The following VNN1 variants were observed in gnomAD, a reference collection of about 807,000 sequenced individuals.
The protein encoded by VNN1 is vanin 1.
Under a neutral mutation model 41.9 loss-of-function variants are expected in VNN1, and 29 were observed. The observed-to-expected ratio is 0.69, with a 90% CI of 0.52 to 0.94. The LOEUF is 0.94. Among genes scored for constraint, VNN1 ranks in the 40% least tolerant of loss-of-function variants. VNN1 has a pLI of 0.00. For synonymous variants in VNN1, 233 were observed against 224.4 expected, an observed-to-expected ratio of 1.04 and a Z score of -0.34; for missense variants, 637 against 621.1, an observed-to-expected ratio of 1.03 and a Z score of -0.27.
At chr6:132,701,258 T>C (rs761224657) in intron 2 of VNN1, among the ~76,000 whole-genome samples, 2 of 152,184 alleles carry the variant, frequency 1.3e-5, no homozygotes, top group Non-Finnish European at 2.9e-5. Context: ...AAAACCAACA[T>C]TTGACTAATG....
chr6:132,707,247 C>G (rs976210521), intron 2 of VNN1, among the ~76,000 whole-genome samples: 3 of 139,462 alleles, frequency 2.2e-5, no homozygotes. Context: ...AAAAGCAAAT[C>G]AAAAGTACAA....
Position 132,713,990 on chromosome 6 carries a change from C to T in VNN1, c.46G>A (p.Val16Ile). Residue 16 changes from valine to isoleucine, a missense_variant, in exon 1 of 7, where the codon GTC becomes ATC. Physicochemically the swap from Val to Ile is conservative, Grantham distance 29. Transcript: ENST00000367928. ...GTGTCCTGGCAGCTGGCTCTTGAGA[C>T]ATAGAAAAGCAAAATTGCCACGTAA... is the stretch of plus-strand genomic sequence containing the variant. Reference protein sequence around the residue: ...PAYVAILLFYVSRASCQDTFT... With the variant: ...PAYVAILLFYISRASCQDTFT... 1 of 1,614,064 alleles carries T rather than the reference C, an allele frequency of 6.2e-7. No homozygotes were observed. Among genetic ancestry groups the T allele is most frequent in the Non-Finnish European group, 8.5e-7 (1 of 1,179,992 alleles).
At chr6:132,707,482 T>C (rs1041375603) in intron 2 of VNN1, among the ~76,000 whole-genome samples, 9 of 152,202 alleles carry the variant, frequency 5.9e-5, no homozygotes, top group African/African-American at 9.6e-5. Context: ...ATAGAAAAGA[T>C]ATCTGCACTT....
At chr6:132,692,079 A>G in intron 5 of VNN1, 144 bp downstream of exon 5, 1 of 965,656 alleles carries the variant, frequency 1.0e-6, no homozygotes, top group Non-Finnish European at 1.4e-6. Context: ...TGAATTTCAA[A>G]TAAACAACAA....
At chr6:132,698,618 A>G (rs45465097) in intron 2 of VNN1, among the ~76,000 whole-genome samples, 2,925 of 152,264 alleles carry the variant, frequency 0.019, 94 homozygotes, top group African/African-American at 0.067. Context: ...TGATGAGAGC[A>G]ATATGATCTT....
intron 4 of VNN1, 28 bp downstream of exon 4, chr6:132,692,996 C>A (rs1778314336): frequency 1.3e-6 from 2 of 1,559,750 alleles, no homozygotes; most frequent in South Asian, 1.2e-5. Flanking sequence ...ATTACATCAG[C>A]CTGCATATCT....
intron 2 of VNN1, among the ~76,000 whole-genome samples, chr6:132,703,015 A>G (rs1778469728): frequency 6.6e-6 from 1 of 152,192 alleles, no homozygotes; most frequent in South Asian, 2.1e-4. Context: ...TGTCTTACAA[A>G]TTGGGTACCA....
intron 2 of VNN1, among the ~76,000 whole-genome samples, chr6:132,709,480 G>A (rs573460398): frequency 3.3e-5 from 5 of 152,214 alleles, no homozygotes; most frequent in Admixed American, 3.3e-4. Flanking sequence ...AGACCAGCCT[G>A]GCCAACATGG....
chr6:132,687,681 C>A (rs954496671), intron 5 of VNN1, among the ~76,000 whole-genome samples: 1 of 152,124 alleles, frequency 6.6e-6, no homozygotes, highest in Non-Finnish European at 1.5e-5. Flanking sequence ...CTCAATATGA[C>A]AACTGTGCAG....
chr6:132,702,785 G>T (rs1404775796), intron 2 of VNN1, among the ~76,000 whole-genome samples: 1 of 152,156 alleles, frequency 6.6e-6, no homozygotes, highest in Non-Finnish European at 1.5e-5. Context: ...GGAACTTCTT[G>T]CCTTAAATGG....
rs187823491 is a variant in VNN1, at chr6:132,703,856, G to C, written c.341+7853C>G. Among the ~76,000 whole-genome samples the C allele has an allele frequency of 1.2e-4, 19 of 152,176 alleles. No individual in the cohort carries two copies. The East Asian group carries it at 3.5e-3, about 28-fold the overall frequency. On this transcript the variant is annotated intron_variant, in intron 2 of 6. Coordinates refer to ENST00000367928, the MANE Select transcript of VNN1 (RefSeq NM_004666.3). The stretch of plus-strand genomic sequence containing the variant: ...AAGACACACACAGACAGAAAATAAA[G>C]GGATAGCAAAGATTTCCATGCAAAT...
intron 2 of VNN1, among the ~76,000 whole-genome samples, chr6:132,696,565 C>A (rs1459654113): frequency 6.6e-6 from 1 of 152,028 alleles, no homozygotes. Flanking sequence ...AGCAGCAAGA[C>A]AGAAGTGACT....
intron 2 of VNN1, among the ~76,000 whole-genome samples, chr6:132,705,062 C>T (rs962278262): frequency 1.3e-5 from 2 of 151,954 alleles, no homozygotes; most frequent in Non-Finnish European, 2.9e-5. Flanking sequence ...AAAAAAAAGC[C>T]CAGGACTTAA....
chr6:132,690,475 G>C (rs985751028), intron 5 of VNN1, among the ~76,000 whole-genome samples: 1 of 152,114 alleles, frequency 6.6e-6, no homozygotes, highest in Non-Finnish European at 1.5e-5. Context: ...CTGGATAATA[G>C]CATCAGCTCC....
chr6:132,711,964 T>C (rs1778607136), intron 1 of VNN1, 125 bp from the exon 2 acceptor site: 1 of 926,912 alleles, frequency 1.1e-6, no homozygotes, highest in Non-Finnish European at 1.5e-6. Context: ...TCTATATTTT[T>C]ATAATTTATT....
intron 2 of VNN1, among the ~76,000 whole-genome samples, chr6:132,696,796 G>A (rs1582772850): frequency 6.7e-6 from 1 of 149,312 alleles, no homozygotes; most frequent in Middle Eastern, 3.4e-3. Context: ...GGGGAGGGGA[G>A]AGGAGGGGAG....
intron 5 of VNN1, among the ~76,000 whole-genome samples, chr6:132,685,813 C>T (rs533475617): frequency 1.3e-5 from 2 of 152,170 alleles, no homozygotes; most frequent in Admixed American, 1.3e-4. Context: ...ACTGATCCTC[C>T]CCTACTCCAG....
At chr6:132,684,603 A>G (rs1297885879) in intron 5 of VNN1, 98 bp from the exon 6 acceptor site, 2 of 1,163,772 alleles carry the variant, frequency 1.7e-6, no homozygotes, top group African/African-American at 3.1e-5. Context: ...ACATATCAAA[A>G]CGTCACATCA....
chr6:132,697,548 C>G (rs1162543825), intron 2 of VNN1, among the ~76,000 whole-genome samples: 2 of 151,636 alleles, frequency 1.3e-5, no homozygotes, highest in Non-Finnish European at 2.9e-5. Flanking sequence ...TAACATATTG[C>G]TATATTTATC....
Sources: allele counts gnomAD v4.1 joint callset (sites outside exome capture counted in the v4.1 genomes callset), GRCh38; gene constraint gnomAD v4.1.1; transcripts MANE v1.5; gene names NCBI Gene and HGNC (gene_info 2026-07-23, HGNC 2026-07-21).